ZSCAN25: variants seen among roughly 807,000 people sequenced by gnomAD.
ZSCAN25 encodes zinc finger and SCAN domain containing 25.
ZSCAN25 carries 27 observed loss-of-function variants against 38.7 expected under a neutral mutation model. The ratio of observed to expected loss-of-function variants is 0.70; its 90% CI spans 0.51 to 0.96. The LOEUF is 0.96. Among genes scored for constraint, ZSCAN25 ranks in the 40% least tolerant of loss-of-function variants. The probability of loss-of-function intolerance (pLI) is 0.00; values close to 1 mark genes in which losing one functional copy is unlikely to be tolerated. For synonymous variants in ZSCAN25, 273 were observed against 277.7 expected (o/e 0.98, Z 0.17); for missense variants, 637 against 705.9 (o/e 0.90, Z 1.11).
the ZSCAN25 span, among the ~76,000 whole-genome samples, chr7:99,702,535 T>C: frequency 6.6e-6 from 1 of 152,202 alleles, no homozygotes; most frequent in African/African-American, 2.4e-5. Flanking sequence ...CTTGAAAACA[T>C]TGTCAAAAAT....
the ZSCAN25 span, among the ~76,000 whole-genome samples, chr7:99,722,946 C>T: frequency 1.9e-4 from 29 of 152,090 alleles, no homozygotes; most frequent in Admixed American, 7.2e-4. Context: ...TCCAGCTTAA[C>T]ATGAAAGTTC....
chr7:99,647,664 T>G, the ZSCAN25 span: 20 of 985,438 alleles, frequency 2.0e-5, no homozygotes, highest in South Asian at 8.9e-4. Context: ...ACTATGAATA[T>G]TTTCTCCAAA....
In ZSCAN25 at chr7:99,623,804, C is replaced by T. The variant is rs555780681; in HGVS notation, c.682-253C>T. ...TTGTTCTTGATGAGAAGGTAAATAG[C>T]GGCTGCCAGGCTCTGTCAAGCATGA... On this transcript the variant is annotated intron_variant, in intron 6 of 7. Transcript: ENST00000394152. Among the ~76,000 whole-genome samples, 25 of 152,308 alleles carry T rather than the reference C, an allele frequency of 1.6e-4. 1 individual carries two copies. The South Asian group carries it at 2.1e-3, about 13-fold the overall frequency.
chr7:99,620,656 G>T (rs937569820), intron 4 of ZSCAN25: 13 of 152,264 alleles, frequency 8.5e-5, no homozygotes, highest in Admixed American at 8.5e-4. Flanking sequence ...AATCCTAAGA[G>T]AATTTTTTCC....
chr7:99,733,869 G>A, the ZSCAN25 span, among the ~76,000 whole-genome samples: 4 of 152,018 alleles, frequency 2.6e-5, no homozygotes, highest in East Asian at 1.9e-4. Context: ...TTGAAATGGG[G>A]GTATTAAAAT....
the ZSCAN25 span, chr7:99,652,681 C>T: frequency 1.2e-6 from 2 of 1,614,082 alleles, no homozygotes; most frequent in South Asian, 1.1e-5. Context: ...TCTTGCAAGT[C>T]CTCTCAAGTC....
At chr7:99,703,772 CT>C in the ZSCAN25 span, among the ~76,000 whole-genome samples, 7 of 152,198 alleles carry the variant, frequency 4.6e-5, no homozygotes, top group Non-Finnish European at 8.8e-5. Flanking sequence ...GGATGCCCTC[CT>C]GACCTCACAT....
chr7:99,722,642 G>A, the ZSCAN25 span, among the ~76,000 whole-genome samples: 7 of 152,106 alleles, frequency 4.6e-5, no homozygotes, highest in African/African-American at 1.4e-4. Context: ...TTTTTCATGT[G>A]TTGTCTCTAA....
At chr7:99,735,189 A>G in the ZSCAN25 span, 28 of 1,504,872 alleles carry the variant, frequency 1.9e-5, no homozygotes, top group Non-Finnish European at 2.5e-5. Context: ...CCTGCCCTGC[A>G]CAGCAGTGAT....
At chr7:99,704,503 C>T in the ZSCAN25 span, among the ~76,000 whole-genome samples, 1 of 152,062 alleles carries the variant, frequency 6.6e-6, no homozygotes, top group Non-Finnish European at 1.5e-5. Flanking sequence ...GTTGGTCAGG[C>T]TGGTCTTGAA....
the ZSCAN25 span, among the ~76,000 whole-genome samples, chr7:99,721,739 A>T: frequency 1.4e-5 from 2 of 142,524 alleles, no homozygotes; most frequent in African/African-American, 5.8e-5. Context: ...CAAAATTATG[A>T]CACGTGTGTG....
At chr7:99,685,417 T>C in the ZSCAN25 span, among the ~76,000 whole-genome samples, 1 of 151,926 alleles carries the variant, frequency 6.6e-6, no homozygotes, top group Non-Finnish European at 1.5e-5. Flanking sequence ...ATGAGGAGGA[T>C]TTCATATCAG....
At chr7:99,684,718 CTTA>C in the ZSCAN25 span, among the ~76,000 whole-genome samples, 1 of 152,108 alleles carries the variant, frequency 6.6e-6, no homozygotes, top group East Asian at 1.9e-4. Flanking sequence ...TTAATATAAA[CTTA>C]TTATAGAATG....
the ZSCAN25 span, among the ~76,000 whole-genome samples, chr7:99,640,107 T>C: frequency 6.6e-6 from 1 of 152,268 alleles, no homozygotes; most frequent in South Asian, 2.1e-4. Flanking sequence ...ATCTCATACA[T>C]CACACACTAA....
the ZSCAN25 span, among the ~76,000 whole-genome samples, chr7:99,687,431 G>A: frequency 6.6e-6 from 1 of 152,262 alleles, no homozygotes; most frequent in South Asian, 2.1e-4. Context: ...AGTGATGGAA[G>A]ATCAAATGAA....
At chr7:99,666,753 G>A in the ZSCAN25 span, 3 of 1,612,384 alleles carry the variant, frequency 1.9e-6, no homozygotes, top group South Asian at 3.3e-5. Context: ...GAAGGATATG[G>A]CTTTCTCCAG....
chr7:99,652,591 TG>T, the ZSCAN25 span: 2 of 1,613,872 alleles, frequency 1.2e-6, no homozygotes, highest in South Asian at 2.2e-5. Flanking sequence ...TCCAGTACTT[TG>T]GGTCATGGTG....
the ZSCAN25 span, among the ~76,000 whole-genome samples, chr7:99,731,900 A>G: frequency 1.6e-4 from 25 of 152,156 alleles, no homozygotes; most frequent in Non-Finnish European, 3.1e-4. Context: ...ATTGACTCAT[A>G]TTTTCCTGAA....
the ZSCAN25 span, chr7:99,679,757 A>G: frequency 6.9e-7 from 1 of 1,451,140 alleles, no homozygotes; most frequent in Non-Finnish European, 9.7e-7. Flanking sequence ...AAAACAGATA[A>G]GGGAAAAGGG....
Sources: gnomAD v4.1 joint callset for allele counts (sites outside exome capture counted in the v4.1 genomes callset) on GRCh38, gnomAD v4.1.1 for gene constraint, MANE v1.5 for transcripts, NCBI Gene and HGNC (gene_info 2026-07-23, HGNC 2026-07-21) for gene names.